The following SMOC2 variants were observed in gnomAD, a reference collection of about 807,000 sequenced individuals.
SMOC2 encodes SPARC-related modular calcium-binding protein 2.
A neutral mutation model predicts 61.4 loss-of-function variants in SMOC2; 39 were observed. The observed-to-expected ratio is 0.64, with a 90% confidence interval of 0.49 to 0.83. SMOC2 has a LOEUF of 0.83. Among genes scored for constraint, SMOC2 ranks in the 40% least tolerant of loss-of-function variants. The pLI is 0.00. For missense variants in SMOC2, 556 were observed against 592.9 expected (o/e 0.94, Z 0.65); for synonymous variants, 247 against 239.9 (o/e 1.03, Z -0.27).
intron 1 of SMOC2, among the ~76,000 whole-genome samples, chr6:168,500,775 A>G (rs1043697403): frequency 6.6e-6 from 1 of 152,168 alleles, no homozygotes; most frequent in Non-Finnish European, 1.5e-5. Context: ...TTCCGTGTCT[A>G]CAAGGGTACT....
chr6:168,633,485 C>G (rs1472766737), intron 9 of SMOC2, among the ~76,000 whole-genome samples: 1 of 151,970 alleles, frequency 6.6e-6, no homozygotes, highest in Non-Finnish European at 1.5e-5. Context: ...GCCCTTGGCT[C>G]TCATGCACAA....
chr6:168,641,444 T>C (rs530033116), intron 9 of SMOC2, among the ~76,000 whole-genome samples: 33 of 152,224 alleles, frequency 2.2e-4, no homozygotes, highest in Non-Finnish European at 3.7e-4. Flanking sequence ...CCAAGCATTT[T>C]GTTAATAAGT....
intron 1 of SMOC2, among the ~76,000 whole-genome samples, chr6:168,495,860 C>G (rs6936758): frequency 6.6e-6 from 1 of 152,198 alleles, no homozygotes; most frequent in African/African-American, 2.4e-5. Flanking sequence ...GTTCACCCAC[C>G]CACACGGCCC....
intron 9 of SMOC2, among the ~76,000 whole-genome samples, chr6:168,618,800 A>G (rs1786169812): frequency 6.6e-6 from 1 of 152,114 alleles, no homozygotes; most frequent in African/African-American, 2.4e-5. Flanking sequence ...TGCAGGGACT[A>G]TGGGCTCTCG....
At chr6:168,464,209 GGA>G (rs1195454868) in intron 1 of SMOC2, among the ~76,000 whole-genome samples, 6 of 145,214 alleles carry the variant, frequency 4.1e-5, no homozygotes, top group Admixed American at 1.4e-4. Context: ...AAAAGAGGAA[GGA>G]AGAAAGGAAG....
intron 11 of SMOC2, among the ~76,000 whole-genome samples, chr6:168,662,360 G>A (rs1309101724): frequency 6.6e-6 from 1 of 152,206 alleles, no homozygotes; most frequent in South Asian, 2.1e-4. Flanking sequence ...CAGGGAGGAG[G>A]CCCTGCAAGG....
intron 8 of SMOC2, among the ~76,000 whole-genome samples, chr6:168,599,447 T>C (rs1583147430): frequency 4.0e-5 from 2 of 49,426 alleles, no homozygotes; most frequent in Admixed American, 2.9e-4. Flanking sequence ...ACACACACAT[T>C]CGTACCCCCA....
intron 7 of SMOC2, among the ~76,000 whole-genome samples, chr6:168,570,542 AT>A (rs1466336995): frequency 6.6e-6 from 1 of 152,060 alleles, no homozygotes; most frequent in East Asian, 1.9e-4. Flanking sequence ...TGTGGGATAT[AT>A]TTCACCTCTT....
chr6:168,549,246 A>G (rs775070037), intron 7 of SMOC2, 43 bp downstream of exon 7: 1 of 1,574,402 alleles, frequency 6.4e-7, no homozygotes, highest in East Asian at 2.2e-5. Context: ...GTGATTTAAT[A>G]GATCTAGAAA....
At chr6:168,542,748 A>G (rs1192949501) in intron 4 of SMOC2, among the ~76,000 whole-genome samples, 2 of 152,192 alleles carry the variant, frequency 1.3e-5, no homozygotes, top group African/African-American at 4.8e-5. Flanking sequence ...ATTTCCTGCC[A>G]CATTACTATT....
In SMOC2 at chr6:168,653,174, G is replaced by A; in HGVS notation, c.1231G>A (p.Gly411Ser). 1 of 1,614,154 alleles carries A rather than the reference G, an allele frequency of 6.2e-7. No individual in the cohort carries two copies. The highest frequency in any genetic ancestry group is 8.5e-7 in the Non-Finnish European group (1 of 1,180,016). Residue 411 changes from glycine (G) to serine (S), a missense_variant, in exon 11 of 13, where the codon GGC (glycine) becomes AGC (serine). Gly to Ser is a moderately conservative substitution (Grantham distance 56). Coordinates refer to ENST00000356284, the MANE Select transcript of SMOC2 (RefSeq NM_001166412.2). ...DKSISVQELM[G>S]CLGVAKEDGK... ...ATCCATCTCCGTACAAGAACTGATG[G>A]GCTGCCTGGGCGTGGCGAAAGAGGA...
chr6:168,590,158 C>A (rs1480275287), intron 7 of SMOC2, among the ~76,000 whole-genome samples: 1 of 133,022 alleles, frequency 7.5e-6, no homozygotes, highest in Non-Finnish European at 1.6e-5. Context: ...TAGGGGGCAG[C>A]CCCAGCCTGG....
chr6:168,569,737 C>A (rs1784623111), intron 7 of SMOC2, among the ~76,000 whole-genome samples: 1 of 152,238 alleles, frequency 6.6e-6, no homozygotes, highest in Non-Finnish European at 1.5e-5. Context: ...AGCCACCATG[C>A]CTGACCTGGA....
At position 168,453,748 on chromosome 6, in the gene SMOC2, T is replaced by TCTGTCTCC. The variant is rs1781517848; in HGVS notation, c.84+12297_84+12304dup. 6.6e-6 allele frequency among the ~76,000 whole-genome samples: 1 copy of TCTGTCTCC among 152,094 alleles called. No homozygotes were observed. The highest frequency in any genetic ancestry group is 6.5e-5 in the Admixed American group (1 of 15,278). Reference sequence around the variant, plus strand: ...CTACATCTCTGTCTATCTCTGTCTCTCTGTCTCCCTCTTTCTCTGTCTCTC... The same window carrying TCTGTCTCC: ...CTACATCTCTGTCTATCTCTGTCTCTCTGTCTCCCTGTCTCCCTCTTTCTCTGTCTCTC... On this transcript the variant is annotated intron_variant, in intron 1 of 12. Coordinates refer to ENST00000356284, the MANE Select transcript of SMOC2 (RefSeq NM_001166412.2). The surrounding 1 kb of genome is among the most constrained non-coding windows in gnomAD (Gnocchi z 4.4).
intron 7 of SMOC2, among the ~76,000 whole-genome samples, chr6:168,568,647 C>A (rs1354851053): frequency 6.6e-6 from 1 of 152,088 alleles, no homozygotes; most frequent in Non-Finnish European, 1.5e-5. Flanking sequence ...AGAGTTGTTT[C>A]ACTGCCCTGA....
intron 6 of SMOC2, 123 bp downstream of exon 6, chr6:168,547,292 A>G: frequency 1.3e-6 from 1 of 782,010 alleles, no homozygotes; most frequent in Non-Finnish European, 2.2e-6. Flanking sequence ...AACATGCCAG[A>G]CACAGACAGA....
chr6:168,655,933 G>A (rs61455176), intron 11 of SMOC2, among the ~76,000 whole-genome samples: 6,683 of 149,164 alleles, frequency 0.045, 360 homozygotes, highest in African/African-American at 0.13. Context: ...ATCCCACTGC[G>A]CGTGTGTGCT....
chr6:168,557,144 T>C (rs1784270302), intron 7 of SMOC2, among the ~76,000 whole-genome samples: 1 of 152,204 alleles, frequency 6.6e-6, no homozygotes, highest in South Asian at 2.1e-4. Context: ...TATATTTTCC[T>C]TTTTTATTTC....
At chr6:168,600,635 C>A (rs1422820921) in intron 8 of SMOC2, among the ~76,000 whole-genome samples, 1 of 152,174 alleles carries the variant, frequency 6.6e-6, no homozygotes, top group Non-Finnish European at 1.5e-5. Flanking sequence ...ACGTGGACGG[C>A]ATCAAATACC....
Sources: gnomAD v4.1 joint callset for allele counts (sites outside exome capture counted in the v4.1 genomes callset) on GRCh38, gnomAD v4.1.1 for gene constraint, Gnocchi (gnomAD v3.1) non-coding constraint, MANE v1.5 for transcripts, NCBI Gene and HGNC (gene_info 2026-07-23, HGNC 2026-07-21) for gene names.